Variants in PTPRN2 observed in about 807,000 individuals in gnomAD.
PTPRN2 encodes the protein receptor-type tyrosine-protein phosphatase N2.
PTPRN2 carries 74 observed loss-of-function variants against 118.8 expected under a neutral mutation model. That is an observed-to-expected ratio of 0.62 (90% CI 0.52 to 0.76). The LOEUF (loss-of-function observed/expected upper bound fraction) is 0.76. PTPRN2 is among the 30% of genes least tolerant of loss of function. The pLI is 0.00. For synonymous variants in PTPRN2, 641 were observed against 608.0 expected, an observed-to-expected ratio of 1.05 and a Z score of -0.80; for missense variants, 1,481 against 1,394.4, an observed-to-expected ratio of 1.06 and a Z score of -0.99.
intron 11 of PTPRN2, among the ~76,000 whole-genome samples, chr7:158,054,845 A>G (rs1195733440): frequency 6.6e-6 from 1 of 152,072 alleles, no homozygotes; most frequent in Non-Finnish European, 1.5e-5. Context: ...TGTCCAATCC[A>G]TCACCAAATC....
chr7:157,869,071 T>A lies in PTPRN2; in HGVS notation c.1788+29602A>T, dbSNP rs1010316259. The A allele has an allele frequency of 6.6e-6, 1 of 152,254 alleles. No individual in the cohort carries two copies. Among genetic ancestry groups the A allele is most frequent in the African/African-American group, 2.4e-5 (1 of 41,470 alleles). The allele number at this position is 152,254 out of a possible 1,614,324, so 9.4% of individuals were successfully genotyped here. A position where few individuals can be genotyped will look rare whatever the true frequency, so the allele number is the denominator to read the frequency against. On this transcript the variant is annotated intron_variant, in intron 12 of 22. Transcript: ENST00000389418. This position sits in a 1 kb window ranked among gnomAD's most constrained non-coding sequence, Gnocchi z 4.2. ...TTCCAAATCTGTAAGTACTAAGTTT[T>A]AAAATGCGTGTGAGCAAGTCAAATT... is the stretch of plus-strand genomic sequence containing the variant.
chr7:157,630,600 C>T (rs911193196), intron 14 of PTPRN2, among the ~76,000 whole-genome samples: 3 of 152,200 alleles, frequency 2.0e-5, no homozygotes, highest in African/African-American at 7.2e-5. Context: ...TCCAAACAAG[C>T]AACTTGAGAT....
Position 158,320,475 on chromosome 7 carries a change from C to T in PTPRN2, c.164-3543G>A, listed in dbSNP as rs569817051. 7.9e-5 allele frequency among the ~76,000 whole-genome samples: 12 copies of T among 151,940 alleles called. No homozygotes were observed. The South Asian group carries it at 2.5e-3, about 32-fold the overall frequency. ...AACGGTGGCCGTGCCATTTTTCACTCCGAGCAGCTGTGATGGCGCCCCCAT... is the reference window on the plus strand; with the variant it reads ...AACGGTGGCCGTGCCATTTTTCACTTCGAGCAGCTGTGATGGCGCCCCCAT... On this transcript the variant is annotated intron_variant, in intron 2 of 22. Transcript: ENST00000389418.
intron 12 of PTPRN2, among the ~76,000 whole-genome samples, chr7:157,810,902 C>T (rs1048918588): frequency 2.0e-5 from 3 of 152,114 alleles, no homozygotes; most frequent in Non-Finnish European, 2.9e-5. Flanking sequence ...ACATCGGGGG[C>T]TCTGAAGACT....
At chr7:158,417,270 A>C (rs914977716) in intron 2 of PTPRN2, among the ~76,000 whole-genome samples, 8 of 152,040 alleles carry the variant, frequency 5.3e-5, no homozygotes, top group African/African-American at 1.9e-4. Context: ...GGTGTACTAC[A>C]TCGAGATGCT....
At chr7:158,456,935 G>A (rs1818553397) in intron 2 of PTPRN2, among the ~76,000 whole-genome samples, 1 of 152,006 alleles carries the variant, frequency 6.6e-6, no homozygotes, top group South Asian at 2.1e-4. Flanking sequence ...CCACATGAGG[G>A]CTTTAAAAAA....
chr7:157,577,158 G>C (rs1800100726), intron 18 of PTPRN2, among the ~76,000 whole-genome samples: 1 of 152,230 alleles, frequency 6.6e-6, no homozygotes, highest in Non-Finnish European at 1.5e-5. Flanking sequence ...ACGACTACAT[G>C]TTCTGCTCAG....
intron 12 of PTPRN2, among the ~76,000 whole-genome samples, chr7:157,826,607 C>T (rs941463740): frequency 3.3e-5 from 5 of 152,192 alleles, no homozygotes; most frequent in East Asian, 1.9e-4. Context: ...GCCATTTCCA[C>T]GCGTGCTGTG....
At chr7:157,736,410 C>T (rs1410208504) in intron 12 of PTPRN2, among the ~76,000 whole-genome samples, 2 of 152,180 alleles carry the variant, frequency 1.3e-5, no homozygotes, top group Admixed American at 6.5e-5. Flanking sequence ...AGGGCGGCCC[C>T]GATCCTACAG....
At chr7:157,726,983 C>A (rs1799638360) in intron 12 of PTPRN2, among the ~76,000 whole-genome samples, 1 of 152,068 alleles carries the variant, frequency 6.6e-6, no homozygotes, top group African/African-American at 2.4e-5. Flanking sequence ...GTGACTCTTA[C>A]CGAAAAAAAC....
chr7:157,591,187 C>A lies in PTPRN2; in HGVS notation c.2496+4051G>T, dbSNP rs1322072188. On this transcript the variant is annotated intron_variant, in intron 17 of 22. Coordinates refer to ENST00000389418, the MANE Select transcript of PTPRN2 (RefSeq NM_002847.5). This position sits in a 1 kb window ranked among gnomAD's most constrained non-coding sequence, Gnocchi z 4.4. Reference sequence around the variant, plus strand: ...CAGAGATGAGGGGGACACTTCGAATCCCCCAAGGAGTGCACGGGCCTGGGG... The same window carrying A: ...CAGAGATGAGGGGGACACTTCGAATACCCCAAGGAGTGCACGGGCCTGGGG... 2.6e-5 allele frequency among the ~76,000 whole-genome samples: 4 copies of A among 152,234 alleles called. No homozygotes were observed. The highest frequency in any genetic ancestry group is 2.1e-4 in the South Asian group (1 of 4,814).
chr7:158,279,811 C>T (rs980182658), intron 3 of PTPRN2, among the ~76,000 whole-genome samples: 14 of 152,308 alleles, frequency 9.2e-5, no homozygotes, highest in South Asian at 4.1e-4. Context: ...AGGGGCTCTT[C>T]GAGCCCGGCC....
chr7:158,312,127 C>CAT (rs10628253), intron 3 of PTPRN2, among the ~76,000 whole-genome samples: 104,671 of 150,326 alleles, frequency 0.7, 36,980 homozygotes, highest in African/African-American at 0.79. Flanking sequence ...GGCAAACACA[C>CAT]GTGCTCACGT....
intron 11 of PTPRN2, among the ~76,000 whole-genome samples, chr7:157,976,873 A>T (rs760651877): frequency 6.6e-6 from 1 of 151,912 alleles, no homozygotes; most frequent in Non-Finnish European, 1.5e-5. Flanking sequence ...GTCACAGAGG[A>T]TATAAACACT....
At chr7:158,576,476 A>C (rs571338351) in intron 1 of PTPRN2, among the ~76,000 whole-genome samples, 33 of 152,284 alleles carry the variant, frequency 2.2e-4, no homozygotes, top group African/African-American at 7.9e-4. Flanking sequence ...AGCCTGCACC[A>C]CCAGGGACAT....
chr7:158,018,389 T>C (rs1013245929), intron 11 of PTPRN2, among the ~76,000 whole-genome samples: 1 of 152,212 alleles, frequency 6.6e-6, no homozygotes, highest in African/African-American at 2.4e-5. Flanking sequence ...TCTGATGGAA[T>C]TTATAACCGG....
Position 157,579,039 on chromosome 7 carries a change from A to G in PTPRN2, c.2497-899T>C, listed in dbSNP as rs1800209437. On this transcript the variant is annotated intron_variant, in intron 17 of 22. Transcript: ENST00000389418. ...GACAGTTTCTATTTCTTTTAAAAAC[A>G]GACACAAAATCCAATTAAGACCTTG... Among the ~76,000 whole-genome samples the G allele has an allele frequency of 2.2e-4, 3 of 13,924 alleles. No homozygotes were observed. In the African/African-American group the frequency reaches 3.9e-3, roughly 18 times the overall value. 9.1% of individuals were successfully genotyped at this position (13,924 alleles called of 152,430 possible). A position where few individuals can be genotyped will look rare whatever the true frequency, so the allele number is the denominator to read the frequency against.
At chr7:157,625,914 A>G (rs1373621652) in intron 14 of PTPRN2, among the ~76,000 whole-genome samples, 1 of 152,184 alleles carries the variant, frequency 6.6e-6, no homozygotes, top group Non-Finnish European at 1.5e-5. Flanking sequence ...ATGGCAACGA[A>G]TAACCCCAGG....
chr7:157,656,477 G>A lies in PTPRN2; in HGVS notation c.2076C>T (p.Ser692=), dbSNP rs778429504. ...GCCCGTCGCTGAACTGGGATGAGAC[G>A]CTGCTGATGCGTGACGTGTGCGGGC... ...PEGPHTSRIS[S]VSSQFSDGPI... The change falls in exon 14 of 23, where the codon AGC becomes AGT. Residue 692 remains serine (S), a synonymous_variant. Coordinates refer to ENST00000389418, the MANE Select transcript of PTPRN2 (RefSeq NM_002847.5). 1.7e-5 allele frequency: 26 copies of A among 1,554,694 alleles called. 1 individual carries two copies. Among genetic ancestry groups the A allele is most frequent in the Middle Eastern group, 1.7e-4 (1 of 5,854 alleles).
Sources: allele counts gnomAD v4.1 joint callset (sites outside exome capture counted in the v4.1 genomes callset), GRCh38; gene constraint gnomAD v4.1.1; non-coding constraint Gnocchi (gnomAD v3.1); transcripts MANE v1.5; gene names NCBI Gene and HGNC (gene_info 2026-07-23, HGNC 2026-07-21).